The following SASH1 variants were observed in gnomAD, a reference collection of about 807,000 sequenced individuals.
SASH1 encodes the protein SAM and SH3 domain containing 1, also known as SAM and SH3 domain-containing protein 1.
A neutral mutation model predicts 125.2 loss-of-function variants in SASH1; 44 were observed. The observed-to-expected ratio is 0.35, with a 90% CI of 0.28 to 0.45. The LOEUF is 0.45. SASH1 is among the 20% of genes least tolerant of loss of function. The pLI is 1.00. For synonymous variants in SASH1, 639 were observed against 649.1 expected (o/e 0.98, Z 0.24); for missense variants, 1,426 against 1,614.5 (o/e 0.88, Z 2.00).
chr6:148,257,518 A>G, the SASH1 span, among the ~76,000 whole-genome samples: 2 of 152,084 alleles, frequency 1.3e-5, no homozygotes, highest in Non-Finnish European at 2.9e-5. Context: ...GACTTTAGTG[A>G]GCATGTAATC....
chr6:148,509,892 G>A (rs1780019088), intron 8 of SASH1, among the ~76,000 whole-genome samples: 1 of 152,200 alleles, frequency 6.6e-6, no homozygotes, highest in Non-Finnish European at 1.5e-5. Context: ...TTAGAACATT[G>A]CAGATGTGTC....
intron 4 of SASH1, among the ~76,000 whole-genome samples, chr6:148,448,136 G>GTT (rs1188120355): frequency 6.6e-6 from 1 of 151,246 alleles, no homozygotes; most frequent in Non-Finnish European, 1.5e-5. Context: ...GTGTGTGTGT[G>GTT]TGTATGTGTG....
At chr6:148,273,990 T>C (rs1322837094) in intron 1 of SASH1, among the ~76,000 whole-genome samples, 1 of 152,226 alleles carries the variant, frequency 6.6e-6, no homozygotes, top group African/African-American at 2.4e-5. Flanking sequence ...TTGGGCAAAT[T>C]TCTCCTTGCC....
At position 148,544,325 on chromosome 6, in the gene SASH1, G is replaced by A. The variant is rs773466309; in HGVS notation, c.2855G>A (p.Arg952Lys). 1 of 1,614,162 alleles carries A rather than the reference G, an allele frequency of 6.2e-7. No homozygotes were observed. Among genetic ancestry groups the A allele is most frequent in the South Asian group, 1.1e-5 (1 of 91,082 alleles). Reference sequence around the variant, plus strand: ...GCAAGGACGCCTCTGGAGGGCCACAGAAAAGGACACGAGTTTGAAGGAACA... The same window carrying A: ...GCAAGGACGCCTCTGGAGGGCCACAAAAAAGGACACGAGTTTGAAGGAACA... ...GLARTPLEGH[R>K]KGHEFEGTHH... is the part of the protein sequence containing the mutation. The change falls in exon 18 of 20, where the codon AGA becomes AAA. Residue 952 changes from arginine (R) to lysine (K), a missense_variant. Coordinates refer to ENST00000367467, the MANE Select transcript of SASH1 (RefSeq NM_015278.5). The surrounding 1 kb of genome is among the most constrained non-coding windows in gnomAD (Gnocchi z 6.4).
intron 4 of SASH1, among the ~76,000 whole-genome samples, chr6:148,455,894 G>A (rs1777318025): frequency 6.6e-6 from 1 of 152,122 alleles, no homozygotes; most frequent in African/African-American, 2.4e-5. Context: ...GGCCCTCCAT[G>A]CCCGCAGTGC....
chr6:148,327,296 T>G (rs1780856217), intron 1 of SASH1, among the ~76,000 whole-genome samples: 1 of 151,618 alleles, frequency 6.6e-6, no homozygotes, highest in African/African-American at 2.4e-5. Context: ...TCTTTTTTTT[T>G]TTTTTTGAGA....
chr6:148,341,001 G>A (rs1030419397), upstream of SASH1, among the ~76,000 whole-genome samples: 3 of 152,132 alleles, frequency 2.0e-5, no homozygotes, highest in South Asian at 6.2e-4. Flanking sequence ...GTCTGGTGCA[G>A]CGGTGTGCCT....
chr6:148,466,344 G>C (rs1400423975), intron 4 of SASH1, among the ~76,000 whole-genome samples: 1 of 152,172 alleles, frequency 6.6e-6, no homozygotes, highest in African/African-American at 2.4e-5. Context: ...GCACTCAGCC[G>C]TGGAGAATGG....
chr6:148,468,614 T>C (rs1177094493), intron 5 of SASH1, 29 bp downstream of exon 5: 4 of 1,461,498 alleles, frequency 2.7e-6, no homozygotes, highest in Non-Finnish European at 3.8e-6. Flanking sequence ...GGTTTACCTA[T>C]TTAATTATTT....
At chr6:148,426,847 C>T (rs993562130) in intron 2 of SASH1, among the ~76,000 whole-genome samples, 1 of 152,138 alleles carries the variant, frequency 6.6e-6, no homozygotes, top group Non-Finnish European at 1.5e-5. Context: ...CAGAAGATCA[C>T]TTAGTGGTCG....
intron 2 of SASH1, among the ~76,000 whole-genome samples, chr6:148,423,797 T>A (rs1775681977): frequency 6.6e-6 from 1 of 152,126 alleles, no homozygotes; most frequent in African/African-American, 2.4e-5. Flanking sequence ...GACATAAATG[T>A]TTGTTCAGTT....
intron 1 of SASH1, among the ~76,000 whole-genome samples, chr6:148,323,073 G>A (rs1270666976): frequency 1.3e-5 from 2 of 149,700 alleles, no homozygotes; most frequent in Non-Finnish European, 3.0e-5. Context: ...CGTCACCCAG[G>A]ACCTCAGCTC....
intron 8 of SASH1, among the ~76,000 whole-genome samples, chr6:148,509,968 C>T (rs954023736): frequency 1.4e-4 from 22 of 152,212 alleles, no homozygotes; most frequent in African/African-American, 5.1e-4. Context: ...GGGTGCCAGA[C>T]GGGCCCCATA....
chr6:148,277,951 G>A (rs918126115), intron 1 of SASH1, among the ~76,000 whole-genome samples: 1 of 151,820 alleles, frequency 6.6e-6, no homozygotes, highest in Non-Finnish European at 1.5e-5. Context: ...TCCTGACCTC[G>A]TGATTCGCCT....
the SASH1 span, among the ~76,000 whole-genome samples, chr6:148,263,777 A>G: frequency 6.6e-6 from 1 of 152,162 alleles, no homozygotes. Context: ...GTTGTCCACT[A>G]CCATCTGTAC....
chr6:148,346,151 A>G (rs1449884396), intron 1 of SASH1, among the ~76,000 whole-genome samples: 5 of 152,228 alleles, frequency 3.3e-5, no homozygotes, highest in Non-Finnish European at 7.3e-5. Context: ...TAGTAAGTGA[A>G]AACATTTTTA....
intron 4 of SASH1, among the ~76,000 whole-genome samples, chr6:148,458,983 TACACACACACACACACAC>T (rs71004297): frequency 1.9e-4 from 26 of 137,958 alleles, no homozygotes; most frequent in African/African-American, 3.2e-4. Flanking sequence ...AAAAAAAGTA[TACACACACACACACACAC>T]ACACACACAC....
intron 1 of SASH1, among the ~76,000 whole-genome samples, chr6:148,317,209 G>A (rs1780499599): frequency 6.6e-6 from 1 of 152,214 alleles, no homozygotes; most frequent in Admixed American, 6.5e-5. Flanking sequence ...TCTCTTGGAT[G>A]AAGACAAGAA....
intron 1 of SASH1, among the ~76,000 whole-genome samples, chr6:148,309,773 T>A (rs1780251097): frequency 6.6e-6 from 1 of 151,560 alleles, no homozygotes; most frequent in Non-Finnish European, 1.5e-5. Flanking sequence ...GCATGTTGGG[T>A]GGGTCAGAGC....
Sources: gnomAD v4.1 joint callset for allele counts (sites outside exome capture counted in the v4.1 genomes callset) on GRCh38, gnomAD v4.1.1 for gene constraint, Gnocchi (gnomAD v3.1) non-coding constraint, MANE v1.5 for transcripts, NCBI Gene and HGNC (gene_info 2026-07-23, HGNC 2026-07-21) for gene names.